Variants in VDAC1 observed in about 807,000 individuals in gnomAD.
VDAC1 encodes the protein voltage dependent anion channel 1, also known as non-selective voltage-gated ion channel VDAC1.
In VDAC1, 10 loss-of-function variants were observed where a neutral mutation model predicts 34.7. That is an observed-to-expected ratio of 0.29 (90% CI 0.18 to 0.49). VDAC1 has a LOEUF of 0.49. VDAC1 is among the 20% of genes least tolerant of loss of function. The probability of loss-of-function intolerance (pLI) is 0.99; values close to 1 mark genes in which losing one functional copy is unlikely to be tolerated. For missense variants in VDAC1, 230 were observed against 347.9 expected (o/e 0.66, Z 2.69); for synonymous variants, 130 against 136.0 (o/e 0.96, Z 0.30).
chr5:134,026,812 G>C, the VDAC1 span, among the ~76,000 whole-genome samples: 2 of 152,176 alleles, frequency 1.3e-5, no homozygotes, highest in African/African-American at 4.8e-5. Context: ...TCTGCACAAA[G>C]GTAAATTCTC....
chr5:133,973,928 G>C, intron 7 of VDAC1, 80 bp from the exon 8 acceptor site: 1 of 1,392,018 alleles, frequency 7.2e-7, no homozygotes, highest in Non-Finnish European at 1.0e-6. Flanking sequence ...GAGCTTTTTA[G>C]TCAACCAACC....
the VDAC1 span, among the ~76,000 whole-genome samples, chr5:134,010,418 T>A: frequency 1.3e-5 from 2 of 151,974 alleles, no homozygotes; most frequent in African/African-American, 2.4e-5. Context: ...GTCAACATGA[T>A]GAAACCCTGC....
the VDAC1 span, among the ~76,000 whole-genome samples, chr5:134,043,401 C>A: frequency 1.3e-5 from 2 of 152,234 alleles, no homozygotes; most frequent in African/African-American, 4.8e-5. Context: ...GGCCACACCC[C>A]TCCCAGGAAT....
chr5:134,044,482 C>T, the VDAC1 span, among the ~76,000 whole-genome samples: 1 of 152,342 alleles, frequency 6.6e-6, no homozygotes, highest in African/African-American at 2.4e-5. Flanking sequence ...TTCCAAGGCC[C>T]TGCTAAGCTA....
At chr5:134,079,472 G>GTC in the VDAC1 span, among the ~76,000 whole-genome samples, 1 of 152,288 alleles carries the variant, frequency 6.6e-6, no homozygotes, top group East Asian at 1.9e-4. Context: ...GATGGACTTA[G>GTC]TCTCCACTCG....
At chr5:134,085,753 AT>A in the VDAC1 span, among the ~76,000 whole-genome samples, 1 of 143,572 alleles carries the variant, frequency 7.0e-6, no homozygotes, top group African/African-American at 2.7e-5. Context: ...AAAAAAAAAA[AT>A]TTCATTAGCT....
chr5:134,043,540 C>CT, the VDAC1 span, among the ~76,000 whole-genome samples: 21 of 150,788 alleles, frequency 1.4e-4, no homozygotes, highest in African/African-American at 3.4e-4. Context: ...TTTCTTTTTT[C>CT]TTTTTTTTTC....
intron 1 of VDAC1, among the ~76,000 whole-genome samples, chr5:133,999,990 G>A (rs752521664): frequency 2.6e-5 from 4 of 152,130 alleles, no homozygotes; most frequent in Non-Finnish European, 5.9e-5. Context: ...AGTGATCACA[G>A]AAACAGCACC....
rs1328719875 is a variant in VDAC1, at chr5:133,976,125, C to G, written c.552-104G>C. 4.9e-6 allele frequency: 7 copies of G among 1,416,538 alleles called. No individual in the cohort carries two copies. In the East Asian group the frequency reaches 1.1e-4, roughly 23 times the overall value. 87.7% of individuals were successfully genotyped at this position (1,416,538 alleles called of 1,614,324 possible). On this transcript the variant is annotated intron_variant, in intron 6 of 8. Transcript: ENST00000265333. The stretch of plus-strand genomic sequence containing the variant: ...AGAAGACAGGGATGACAGAAATGGA[C>G]TGAACCAATACTGGTATTAAGGGAA...
chr5:134,064,894 AT>A, the VDAC1 span, among the ~76,000 whole-genome samples: 1 of 150,702 alleles, frequency 6.6e-6, no homozygotes, highest in Non-Finnish European at 1.5e-5. Flanking sequence ...ATTTTTTTGT[AT>A]TTTTAGTAGA....
chr5:133,997,198 C>T (rs1753348766), intron 1 of VDAC1, among the ~76,000 whole-genome samples: 2 of 152,108 alleles, frequency 1.3e-5, no homozygotes, highest in African/African-American at 4.8e-5. Flanking sequence ...GAGCAATTAA[C>T]CCAGCATTAA....
chr5:133,991,089 C>T lies in VDAC1; in HGVS notation c.183G>A (p.Lys61=). The change falls in exon 4 of 9, where the codon AAG becomes AAA. Residue 61 remains lysine, a synonymous_variant. Transcript: ENST00000265333. ...TTKVTGSLET[K]YRWTEYGLTF... Reference sequence around the variant, plus strand: ...TCAGGCCGTACTCAGTCCATCTGTACTTGGTTTCCAGACTGCCCGTCACTT... The same window carrying T: ...TCAGGCCGTACTCAGTCCATCTGTATTTGGTTTCCAGACTGCCCGTCACTT... 1 of 1,614,036 alleles carries T rather than the reference C, an allele frequency of 6.2e-7. No individual in the cohort carries two copies. Among genetic ancestry groups the T allele is most frequent in the Non-Finnish European group, 8.5e-7 (1 of 1,180,052 alleles).
the VDAC1 span, among the ~76,000 whole-genome samples, chr5:134,063,893 C>G: frequency 6.6e-6 from 1 of 151,984 alleles, no homozygotes; most frequent in African/African-American, 2.4e-5. Context: ...AGTGCAGTAG[C>G]ACAATTAGAG....
chr5:134,018,227 C>T, the VDAC1 span, among the ~76,000 whole-genome samples: 1 of 152,188 alleles, frequency 6.6e-6, no homozygotes. Flanking sequence ...GGAGCAGGTA[C>T]ATCATGTGGC....
chr5:133,983,996 A>G (rs1752805918), intron 5 of VDAC1, among the ~76,000 whole-genome samples: 1 of 152,140 alleles, frequency 6.6e-6, no homozygotes, highest in South Asian at 2.1e-4. Context: ...CTCTGCTTGT[A>G]CAGACTGCAG....
chr5:134,012,714 A>AT, the VDAC1 span, among the ~76,000 whole-genome samples: 2 of 152,044 alleles, frequency 1.3e-5, no homozygotes. Context: ...TAACAACATC[A>AT]TTTTTCACAG....
At chr5:134,107,368 T>TCTGA in the VDAC1 span, among the ~76,000 whole-genome samples, 3 of 152,348 alleles carry the variant, frequency 2.0e-5, no homozygotes, top group Admixed American at 6.5e-5. Flanking sequence ...GCTGGCCAGC[T>TCTGA]CTGACTGCTA....
chr5:134,087,360 T>A, the VDAC1 span, among the ~76,000 whole-genome samples: 1 of 152,006 alleles, frequency 6.6e-6, no homozygotes, highest in Non-Finnish European at 1.5e-5. Context: ...CCAGGAGGCC[T>A]GGGTGCTGGG....
the VDAC1 span, among the ~76,000 whole-genome samples, chr5:134,064,723 T>TC: frequency 6.6e-6 from 1 of 151,252 alleles, no homozygotes; most frequent in Non-Finnish European, 1.5e-5. Context: ...TTCTTTTTTT[T>TC]TTTTCCTTTT....
Sources: allele counts gnomAD v4.1 joint callset (sites outside exome capture counted in the v4.1 genomes callset), GRCh38; gene constraint gnomAD v4.1.1; transcripts MANE v1.5; gene names NCBI Gene and HGNC (gene_info 2026-07-23, HGNC 2026-07-21).